SPATA46: variants seen among roughly 807,000 people sequenced by gnomAD.
SPATA46 encodes the protein spermatogenesis associated 46, also known as spermatogenesis-associated protein 46.
A neutral mutation model predicts 6.2 loss-of-function variants in SPATA46; 3 were observed. The observed-to-expected ratio is 0.48, with a 90% CI of 0.22 to 1.25. The LOEUF is 1.25. SPATA46 is among the 50% of genes most tolerant of loss of function. The pLI, the probability that SPATA46 is intolerant of heterozygous loss-of-function variation, is 0.20. For missense variants in SPATA46, 308 were observed against 323.5 expected (o/e 0.95, Z 0.37); for synonymous variants, 117 against 123.3 (o/e 0.95, Z 0.34).
rs1443167942 is a variant in SPATA46, at chr1:162,373,684, T to G, written c.*364A>C. ...CATAGGGACCAAGCAGAGGCCAGAA[T>G]CCTAGAGCAGTGCTTCTCACAGCTG... is the stretch of plus-strand genomic sequence containing the variant. On this transcript the variant is annotated 3_prime_UTR_variant, in exon 3 of 3. Coordinates refer to ENST00000367935, the MANE Select transcript of SPATA46 (RefSeq NM_182581.4). The G allele has an allele frequency of 5.5e-6, 1 of 181,218 alleles. No individual in the cohort carries two copies. The highest frequency in any genetic ancestry group is 1.7e-4 in the South Asian group (1 of 6,014). 11.2% of individuals were successfully genotyped at this position (181,218 alleles called of 1,614,324 possible). A position where few individuals can be genotyped will look rare whatever the true frequency, so the allele number is the denominator to read the frequency against.
Position 162,374,111 on chromosome 1 carries a change from C to G in SPATA46, c.723G>C (p.Gln241His), listed in dbSNP as rs1647529029. ...GGTGTTCAGCAGGACTATTGAAGGC[C>G]TGGCAGCTGCCGGAGGAGAGCCTGT... is the stretch of plus-strand genomic sequence containing the variant. ...LGDRLSSGSC[Q>H]AFNSPAEHLR... Residue 241 changes from glutamine (Q) to histidine (H), a missense_variant, in exon 3 of 3, where the codon CAG (glutamine) becomes CAC (histidine). Transcript: ENST00000367935. 2 of 1,614,140 alleles carry G rather than the reference C, an allele frequency of 1.2e-6. No individual in the cohort carries two copies. Among genetic ancestry groups the G allele is most frequent in the African/African-American group, 1.3e-5 (1 of 75,066 alleles).
rs1468015169 is a variant in SPATA46, at chr1:162,373,751, C to T, written c.*297G>A. On this transcript the variant is annotated 3_prime_UTR_variant, in exon 3 of 3. Transcript: ENST00000367935. ...CCTGGAGGGCTGGTTAGGACATAGA[C>T]CGCCAGCCCCAGACCCATAGTTTCT... 4 of 278,514 alleles carry T rather than the reference C, an allele frequency of 1.4e-5. No individual in the cohort carries two copies. The highest frequency in any genetic ancestry group is 2.7e-5 in the Non-Finnish European group (4 of 149,138). The allele number at this position is 278,514 out of a possible 1,614,324, so 17.3% of individuals were successfully genotyped here.
rs1157581417 is a variant in SPATA46 at position 162,374,686 on chromosome 1, G to T, written c.218-70C>A. On this transcript the variant is annotated intron_variant, in intron 2 of 2. Coordinates refer to ENST00000367935, the MANE Select transcript of SPATA46 (RefSeq NM_182581.4). ...GGAGCCAAGGATGCTGGAGCAGAAA[G>T]GTAAGAAGGCAAACATCAGGCATGA... 2.7e-6 allele frequency: 4 copies of T among 1,482,614 alleles called. No individual in the cohort carries two copies. In the African/African-American group the frequency reaches 5.6e-5, roughly 21 times the overall value. The allele number at this position is 1,482,614 out of a possible 1,614,324, so 91.8% of individuals were successfully genotyped here.
Position 162,374,658 on chromosome 1 carries a change from AGTG to A in SPATA46, c.218-45_218-43del, listed in dbSNP as rs773255272. 3 of 1,549,568 alleles carry A rather than the reference AGTG, an allele frequency of 1.9e-6. No individual in the cohort carries two copies. The East Asian group carries it at 6.8e-5, about 35-fold the overall frequency. On this transcript the variant is annotated intron_variant, in intron 2 of 2. Coordinates refer to ENST00000367935, the MANE Select transcript of SPATA46 (RefSeq NM_182581.4). ...CAGGTCTGAGTCTCTGGCAGGGAGC[AGTG>A]GAGCCAAGGATGCTGGAGCAGAAAG...
In SPATA46 at chr1:162,376,710, G is replaced by T; in HGVS notation, c.81C>A (p.Phe27Leu). The T allele has an allele frequency of 6.2e-7, 1 of 1,614,154 alleles. No homozygotes were observed. Among genetic ancestry groups the T allele is most frequent in the Non-Finnish European group, 8.5e-7 (1 of 1,180,024 alleles). The change falls in exon 1 of 3, where the codon TTC becomes TTA. Residue 27 changes from phenylalanine (F) to leucine (L), a missense_variant. Phe to Leu is a conservative substitution (Grantham distance 22, BLOSUM62 0). Coordinates refer to ENST00000367935, the MANE Select transcript of SPATA46 (RefSeq NM_182581.4). ...TACCTGGCAGGCTGGTGGCACGAGA[G>T]AACATAATGTCGGGAAAAGCACTCA... ...SALSAFPDIM[F>L]SRATSLPDIA...
Position 162,374,459 on chromosome 1 carries a change from C to T in SPATA46, c.375G>A (p.Lys125=). The T allele has an allele frequency of 6.2e-7, 1 of 1,614,256 alleles. No homozygotes were observed. The highest frequency in any genetic ancestry group is 8.5e-7 in the Non-Finnish European group (1 of 1,180,042). Reference sequence around the variant, plus strand: ...TGTCCTCAGAAAGGCAGTTGTCCCACTTGCCCTCATCCTGCTGCACCTCTG... The same window carrying T: ...TGTCCTCAGAAAGGCAGTTGTCCCATTTGCCCTCATCCTGCTGCACCTCTG... ...DFPEVQQDEG[K]WDNCLSEDMA... Residue 125 remains lysine, a synonymous_variant, in exon 3 of 3, where the codon AAG becomes AAA. Coordinates refer to ENST00000367935, the MANE Select transcript of SPATA46 (RefSeq NM_182581.4).
chr1:162,374,355 C>T lies in SPATA46; in HGVS notation c.479G>A (p.Gly160Asp), dbSNP rs1647549079. 3 of 1,614,184 alleles carry T rather than the reference C, an allele frequency of 1.9e-6. No individual in the cohort carries two copies. The East Asian group carries it at 6.7e-5, about 36-fold the overall frequency. The change falls in exon 3 of 3, where the codon GGC becomes GAC. Residue 160 changes from glycine to aspartate, a missense_variant. Gly to Asp is a moderately conservative substitution (Grantham distance 94). Transcript: ENST00000367935. ...PREATKKSRHGLDSITSQDIL... is the reference protein window; with the variant it reads ...PREATKKSRHDLDSITSQDIL... ...GTCCTGGGATGTGATGGAGTCCAGG[C>T]CATGCCTGGATTTCTTGGTGGCTTC...
Position 162,374,270 on chromosome 1 carries a change from G to T in SPATA46, c.564C>A (p.Cys188Ter), listed in dbSNP as rs145363416. ...AQQNGYKCVA[C>*]CRMYPTLDFL... ...AGTCCAGGGTGGGGTACATGCGGCA[G>T]CAGGCCACGCACTTGTAGCCATTCT... Residue 188 changes from cysteine to a stop codon, truncating the protein, a stop_gained, in exon 3 of 3, where the codon TGC becomes TGA. Coordinates refer to ENST00000367935, the MANE Select transcript of SPATA46 (RefSeq NM_182581.4). LOFTEE classifies it low-confidence loss of function (END_TRUNC). The T allele has an allele frequency of 4.3e-6, 7 of 1,614,060 alleles. No individual in the cohort carries two copies. The African/African-American group carries it at 8.0e-5, about 18-fold the overall frequency.
intron 1 of SPATA46, 172 bp downstream of exon 1, chr1:162,376,516 C>A: frequency 1.6e-6 from 1 of 627,452 alleles, no homozygotes; most frequent in Non-Finnish European, 2.6e-6. Flanking sequence ...AAAATCAATA[C>A]ACAGCAGTAA....
chr1:162,373,877 T>C lies in SPATA46; in HGVS notation c.*171A>G, dbSNP rs1173963089. 1.4e-6 allele frequency: 1 copy of C among 739,644 alleles called. No individual in the cohort carries two copies. Among genetic ancestry groups the C allele is most frequent in the Non-Finnish European group, 2.2e-6 (1 of 459,656 alleles). 45.8% of individuals were successfully genotyped at this position (739,644 alleles called of 1,614,324 possible). On this transcript the variant is annotated 3_prime_UTR_variant, in exon 3 of 3. Coordinates refer to ENST00000367935, the MANE Select transcript of SPATA46 (RefSeq NM_182581.4). ...TCTATCTTAGATGATTTTCCCAAAC[T>C]TCAAGTATTGTCTTTATTTTTAAAA...
chr1:162,375,523 G>A lies in SPATA46; in HGVS notation c.104-120C>T, dbSNP rs1161483492. 5 of 725,292 alleles carry A rather than the reference G, an allele frequency of 6.9e-6. No homozygotes were observed. In the East Asian group the frequency reaches 8.0e-5, roughly 12 times the overall value. The allele number at this position is 725,292 out of a possible 1,614,324, so 44.9% of individuals were successfully genotyped here. ...TTCAAGGCATCTCAACGCTGAAACA[G>A]AACAGTGACCTCTCAAACTCAGCCA... On this transcript the variant is annotated intron_variant, in intron 1 of 2. Transcript: ENST00000367935.
chr1:162,373,243 T>C lies in SPATA46; in HGVS notation c.*805A>G, dbSNP rs576838155. 1 of 152,306 alleles carries C rather than the reference T, an allele frequency of 6.6e-6. No individual in the cohort carries two copies. The highest frequency in any genetic ancestry group is 2.4e-5 in the African/African-American group (1 of 41,560). The allele number at this position is 152,306 out of a possible 1,614,324, so 9.4% of individuals were successfully genotyped here. A position where few individuals can be genotyped will look rare whatever the true frequency, so the allele number is the denominator to read the frequency against. On this transcript the variant is annotated 3_prime_UTR_variant, in exon 3 of 3. Coordinates refer to ENST00000367935, the MANE Select transcript of SPATA46 (RefSeq NM_182581.4). Reference sequence around the variant, plus strand: ...GCTGCATCCCTGATGCTTATCCATCTTTCTGGGTCAGATGGACCAGGAGGT... The same window carrying C: ...GCTGCATCCCTGATGCTTATCCATCCTTCTGGGTCAGATGGACCAGGAGGT...
In SPATA46 at chr1:162,375,296, AG is replaced by A; in HGVS notation, c.210del (p.Ser71HisfsTer15). 6.2e-7 allele frequency: 1 copy of A among 1,612,030 alleles called. No homozygotes were observed. The highest frequency in any genetic ancestry group is 8.5e-7 in the Non-Finnish European group (1 of 1,178,110). ...GAGTCAGAGAAGTCCTCACCTGGTG[AG>A]AGCGCTGTGTTCTGTATCCCTTGCC... is the stretch of plus-strand genomic sequence containing the variant. ...IVRQGIQNTA[L>X]SPDCSLGDTQ... On this transcript the variant is annotated frameshift_variant, in exon 2 of 3. Transcript: ENST00000367935. LOFTEE classifies it low-confidence loss of function (END_TRUNC).
Position 162,376,802 on chromosome 1 carries a change from T to G in SPATA46, c.-12A>C. The G allele has an allele frequency of 6.2e-7, 1 of 1,613,404 alleles. No individual in the cohort carries two copies. Among genetic ancestry groups the G allele is most frequent in the Non-Finnish European group, 8.5e-7 (1 of 1,179,834 alleles). ...GAGAAGTTCTCCATATTCTGACCACTGCGGGGGTACAGAGATCACACGCCT... is the reference window on the plus strand; with the variant it reads ...GAGAAGTTCTCCATATTCTGACCACGGCGGGGGTACAGAGATCACACGCCT... On this transcript the variant is annotated 5_prime_UTR_variant, in exon 1 of 3. Transcript: ENST00000367935.
chr1:162,375,301 G>C lies in SPATA46; in HGVS notation c.206C>G (p.Ala69Gly), dbSNP rs164181. The C allele has an allele frequency of 6.2e-7, 1 of 1,613,298 alleles. No individual in the cohort carries two copies. The highest frequency in any genetic ancestry group is 8.5e-7 in the Non-Finnish European group (1 of 1,179,316). Residue 69 changes from alanine to glycine, a missense_variant, in exon 2 of 3, where the codon GCG becomes GGG. Physicochemically the swap from Ala to Gly is moderately conservative, Grantham distance 60 (BLOSUM62 0). Transcript: ENST00000367935. The part of the protein sequence containing the change: ...IIVRQGIQNT[A>G]LSPDCSLGDT... ...AGAGAAGTCCTCACCTGGTGAGAGC[G>C]CTGTGTTCTGTATCCCTTGCCTGAC...
Position 162,375,422 on chromosome 1 carries a change from A to G in SPATA46, c.104-19T>C. ...GCAATGTCTGGGTTATAGAAGAAAC[A>G]CTGGTGAGCTGAGCAAGGTTGGGAT... On this transcript the variant is annotated intron_variant, in intron 1 of 2. Transcript: ENST00000367935. The G allele has an allele frequency of 1.9e-6, 3 of 1,605,688 alleles. No homozygotes were observed. The highest frequency in any genetic ancestry group is 1.1e-5 in the South Asian group (1 of 90,908).
At position 162,376,632 on chromosome 1, in the gene SPATA46, A is replaced by G. The variant is rs182201499; in HGVS notation, c.103+56T>C. 4.0e-6 allele frequency: 6 copies of G among 1,491,986 alleles called. No individual in the cohort carries two copies. The African/African-American group carries it at 8.3e-5, about 21-fold the overall frequency. 92.4% of individuals were successfully genotyped at this position (1,491,986 alleles called of 1,614,324 possible). A position where few individuals can be genotyped will look rare whatever the true frequency, so the allele number is the denominator to read the frequency against. On this transcript the variant is annotated intron_variant, in intron 1 of 2. Coordinates refer to ENST00000367935, the MANE Select transcript of SPATA46 (RefSeq NM_182581.4). ...GTAACATGATCTGGTAGGGTACTCA[A>G]TTAAAAGCTTCAAAAAAAACCACAT...
intron 1 of SPATA46, 119 bp from the exon 2 acceptor site, chr1:162,375,522 A>G: frequency 1.4e-6 from 1 of 736,340 alleles, no homozygotes; most frequent in African/African-American, 1.7e-5. Flanking sequence ...ACGCTGAAAC[A>G]GAACAGTGAC....
At position 162,373,945 on chromosome 1, in the gene SPATA46, A is replaced by G; in HGVS notation, c.*103T>C. The stretch of plus-strand genomic sequence containing the variant: ...GTGTGCCTGGTGTTGCTAGGCAACC[A>G]TTAGCCAAAGGTGATGAGAGCCGGG... On this transcript the variant is annotated 3_prime_UTR_variant, in exon 3 of 3. Coordinates refer to ENST00000367935, the MANE Select transcript of SPATA46 (RefSeq NM_182581.4). The G allele has an allele frequency of 1.6e-6, 2 of 1,212,444 alleles. No individual in the cohort carries two copies. The highest frequency in any genetic ancestry group is 2.3e-6 in the Non-Finnish European group (2 of 867,558). 75.1% of individuals were successfully genotyped at this position (1,212,444 alleles called of 1,614,324 possible). A position where few individuals can be genotyped will look rare whatever the true frequency, so the allele number is the denominator to read the frequency against.
Sources: gnomAD v4.1 joint callset for allele counts on GRCh38, gnomAD v4.1.1 for gene constraint, MANE v1.5 for transcripts, NCBI Gene and HGNC (gene_info 2026-07-23, HGNC 2026-07-21) for gene names.